The following ANK3 variants were observed in gnomAD, a reference collection of about 807,000 sequenced individuals.
ANK3 encodes the protein ankyrin 3, also known as ankyrin-3.
ANK3 carries 57 observed loss-of-function variants against 370.9 expected under a neutral mutation model. That is an observed-to-expected ratio of 0.15 (90% CI 0.12 to 0.19). The LOEUF is 0.19. Ranked by LOEUF, ANK3 falls within the 10% of genes least tolerant of loss-of-function variation. The pLI is 1.00. For missense variants in ANK3, 4,439 were observed against 5,302.1 expected (o/e 0.84, Z 5.06); for synonymous variants, 1,929 against 1,946.3 (o/e 0.99, Z 0.23).
intron 1 of ANK3, among the ~76,000 whole-genome samples, chr10:60,336,582 T>TCTATCTAC (rs201674010): frequency 0.026 from 3,960 of 152,208 alleles, 174 homozygotes; most frequent in African/African-American, 0.091. Context: ...TATCTATCTA[T>TCTATCTAC]CTATCTATCT....
intron 17 of ANK3, among the ~76,000 whole-genome samples, chr10:60,181,976 T>C (rs1411216534): frequency 2.0e-5 from 3 of 152,162 alleles, no homozygotes; most frequent in Non-Finnish European, 2.9e-5. Flanking sequence ...GTGTTTCACC[T>C]ATCCCTCTTT....
At chr10:60,311,625 C>T (rs1320341987) in intron 1 of ANK3, among the ~76,000 whole-genome samples, 9 of 152,104 alleles carry the variant, frequency 5.9e-5, no homozygotes, top group African/African-American at 1.7e-4. Flanking sequence ...TCACCTAGTA[C>T]GTCTCCCCTC....
intron 2 of ANK3, among the ~76,000 whole-genome samples, chr10:60,551,336 A>T (rs1448155611): frequency 6.6e-6 from 1 of 152,176 alleles, no homozygotes; most frequent in Non-Finnish European, 1.5e-5. Flanking sequence ...TACAGAAGGA[A>T]TCCAAGTGAG....
chr10:60,534,223 C>T (rs1015556211), intron 2 of ANK3, among the ~76,000 whole-genome samples: 2 of 152,120 alleles, frequency 1.3e-5, no homozygotes, highest in African/African-American at 4.8e-5. Flanking sequence ...TTCCTAGGTG[C>T]AAACAAATAA....
At chr10:60,529,310 G>T (rs1567121715) in intron 2 of ANK3, among the ~76,000 whole-genome samples, 1 of 152,066 alleles carries the variant, frequency 6.6e-6, no homozygotes, top group East Asian at 1.9e-4. Flanking sequence ...CTGAAACATT[G>T]GATCACAAAA....
At chr10:60,228,615 T>A (rs1260730975) in intron 8 of ANK3, among the ~76,000 whole-genome samples, 1 of 152,152 alleles carries the variant, frequency 6.6e-6, no homozygotes, top group Non-Finnish European at 1.5e-5. Context: ...TGAAACAATT[T>A]AGTATTCATA....
chr10:60,504,419 A>G (rs546388026), intron 2 of ANK3, among the ~76,000 whole-genome samples: 19 of 152,290 alleles, frequency 1.2e-4, no homozygotes, highest in African/African-American at 4.3e-4. Context: ...GCATCAATTA[A>G]TTGAAGTTTA....
chr10:60,649,684 G>C (rs1395476743), intron 1 of ANK3, among the ~76,000 whole-genome samples: 2 of 152,224 alleles, frequency 1.3e-5, no homozygotes, highest in East Asian at 3.9e-4. Context: ...AGGTGCCTTA[G>C]GAGAGAGCTT....
intron 1 of ANK3, among the ~76,000 whole-genome samples, chr10:60,732,106 G>A (rs918345961): frequency 6.6e-6 from 1 of 152,058 alleles, no homozygotes; most frequent in Non-Finnish European, 1.5e-5. Context: ...TTTTCAAGAC[G>A]ATTCAAATGT....
At position 60,084,764 on chromosome 10, in the gene ANK3, T is replaced by C; in HGVS notation, c.3912A>G (p.Glu1304=). ...TGGCCATATATGGAACACATATCAA[T>C]TCTCTGTACAGTTGCGTGGCTAACC... ...TVGLATQLYR[E]LICVPYMAKF... is the part of the protein sequence containing the mutation. The change falls in exon 32 of 44, where the codon GAA becomes GAG. Residue 1304 remains glutamate (E), a synonymous_variant. Coordinates refer to ENST00000280772, the MANE Select transcript of ANK3 (RefSeq NM_020987.5). 6.2e-7 allele frequency: 1 copy of C among 1,611,176 alleles called. No individual in the cohort carries two copies. The highest frequency in any genetic ancestry group is 8.5e-7 in the Non-Finnish European group (1 of 1,179,118).
intron 30 of ANK3, 66 bp from the exon 31 acceptor site, chr10:60,085,319 G>T (rs2086382497): frequency 2.4e-6 from 3 of 1,267,816 alleles, no homozygotes; most frequent in Non-Finnish European, 3.4e-6. Context: ...ATTTTCATCA[G>T]ATCCTGTTCT....
intron 28 of ANK3, among the ~76,000 whole-genome samples, chr10:60,093,128 C>A (rs981757319): frequency 1.3e-5 from 2 of 152,158 alleles, no homozygotes; most frequent in African/African-American, 2.4e-5. Flanking sequence ...TTCACCTATT[C>A]AATGTAACTG....
At chr10:60,143,896 A>T (rs2094685086) in intron 23 of ANK3, among the ~76,000 whole-genome samples, 1 of 152,222 alleles carries the variant, frequency 6.6e-6, no homozygotes, top group Non-Finnish European at 1.5e-5. Flanking sequence ...GCACCATGTT[A>T]TAAAGAAGCT....
intron 2 of ANK3, among the ~76,000 whole-genome samples, chr10:60,462,212 G>C (rs1326103470): frequency 6.6e-6 from 1 of 151,852 alleles, no homozygotes; most frequent in Non-Finnish European, 1.5e-5. Flanking sequence ...AAAAAGGTTT[G>C]ATAAATGTGT....
Position 60,071,204 on chromosome 10 carries a change from G to C in ANK3, c.9677C>G (p.Thr3226Arg), listed in dbSNP as rs2082620795. 6.2e-7 allele frequency: 1 copy of C among 1,614,042 alleles called. No individual in the cohort carries two copies. The highest frequency in any genetic ancestry group is 1.3e-5 in the African/African-American group (1 of 74,912). ...TSLKQTTVEE[T>R]AVEREMPNDV... ...ATTAGGCATTTCACGCTCAACTGCTGTTTCCTCCACTGTAGTCTGCTTAAG... is the reference window on the plus strand; with the variant it reads ...ATTAGGCATTTCACGCTCAACTGCTCTTTCCTCCACTGTAGTCTGCTTAAG... Residue 3226 changes from threonine (T) to arginine (R), a missense_variant, in exon 37 of 44, where the codon ACA (threonine) becomes AGA (arginine). Transcript: ENST00000280772.
intron 2 of ANK3, among the ~76,000 whole-genome samples, chr10:60,566,677 C>A (rs889873727): frequency 3.3e-5 from 5 of 152,086 alleles, no homozygotes; most frequent in African/African-American, 1.2e-4. Flanking sequence ...ATTAAAGACC[C>A]GTGTGGGCAA....
chr10:60,386,357 C>CTT (rs200851428), intron 1 of ANK3, among the ~76,000 whole-genome samples: 1 of 149,186 alleles, frequency 6.7e-6, no homozygotes, highest in South Asian at 2.1e-4. Flanking sequence ...CTCATTCAAA[C>CTT]TTTTTTTTTT....
intron 1 of ANK3, among the ~76,000 whole-genome samples, chr10:60,362,118 AG>A (rs2058699542): frequency 6.6e-6 from 1 of 152,114 alleles, no homozygotes; most frequent in African/African-American, 2.4e-5. Flanking sequence ...CTATACTCTC[AG>A]GATGTCCTAT....
chr10:60,244,568 C>G (rs2097524840), intron 7 of ANK3, among the ~76,000 whole-genome samples: 1 of 152,082 alleles, frequency 6.6e-6, no homozygotes, highest in Non-Finnish European at 1.5e-5. Context: ...AATTGAAGAT[C>G]CAGATTTCAG....
Sources: allele counts gnomAD v4.1 joint callset (sites outside exome capture counted in the v4.1 genomes callset), GRCh38; gene constraint gnomAD v4.1.1; transcripts MANE v1.5; gene names NCBI Gene and HGNC (gene_info 2026-07-23, HGNC 2026-07-21).